The following SNTG1 variants were observed in gnomAD, a reference collection of about 807,000 sequenced individuals.
The protein encoded by SNTG1 is syntrophin gamma 1.
SNTG1 carries 39 observed loss-of-function variants against 74.7 expected under a neutral mutation model. The observed-to-expected ratio is 0.52, with a 90% CI of 0.40 to 0.68. The LOEUF (loss-of-function observed/expected upper bound fraction) is 0.68, where lower values mean the gene tolerates loss of function less well. Ranked by LOEUF, SNTG1 falls within the 30% of genes least tolerant of loss-of-function variation. The pLI is 0.00. For synonymous variants in SNTG1, 254 were observed against 217.1 expected (o/e 1.17, Z -1.49); for missense variants, 685 against 609.5 (o/e 1.12, Z -1.30).
chr8:50,660,426 G>GAAAGA (rs373288755), intron 15 of SNTG1, among the ~76,000 whole-genome samples: 22 of 72,838 alleles, frequency 3.0e-4, no homozygotes, highest in African/African-American at 6.9e-4. Flanking sequence ...AAGAAAGAAA[G>GAAAGA]AAGAAAGAAA....
intron 4 of SNTG1, among the ~76,000 whole-genome samples, chr8:50,430,217 A>C (rs1419064590): frequency 6.6e-6 from 1 of 152,220 alleles, no homozygotes; most frequent in African/African-American, 2.4e-5. Flanking sequence ...CACGCTTTAA[A>C]TGGGTTAATT....
intron 2 of SNTG1, among the ~76,000 whole-genome samples, chr8:50,270,879 C>A (rs1319383833): frequency 6.6e-6 from 1 of 152,198 alleles, no homozygotes; most frequent in Admixed American, 6.5e-5. Flanking sequence ...ACAGCCACAC[C>A]GTGTGAATTA....
chr8:50,487,192 G>T (rs1171134976), intron 8 of SNTG1, among the ~76,000 whole-genome samples: 2 of 152,070 alleles, frequency 1.3e-5, no homozygotes, highest in South Asian at 2.1e-4. Flanking sequence ...GAAACAACAG[G>T]TGCTGGAGAG....
At chr8:50,238,394 T>C (rs1207560464) in intron 2 of SNTG1, among the ~76,000 whole-genome samples, 1 of 152,014 alleles carries the variant, frequency 6.6e-6, no homozygotes, top group African/African-American at 2.4e-5. Flanking sequence ...AATGGGAAAA[T>C]AATTCACTAT....
At chr8:50,010,163 TC>T (rs998170901) in intron 1 of SNTG1, among the ~76,000 whole-genome samples, 1 of 152,150 alleles carries the variant, frequency 6.6e-6, no homozygotes, top group Admixed American at 6.6e-5. Context: ...CTTAGTAGTC[TC>T]CTCTAATACT....
At chr8:50,713,747 T>C (rs543497235) in intron 17 of SNTG1, among the ~76,000 whole-genome samples, 1 of 152,288 alleles carries the variant, frequency 6.6e-6, no homozygotes, top group Admixed American at 6.5e-5. Context: ...TAGCCAGTTT[T>C]CCCAGCACCA....
intron 2 of SNTG1, among the ~76,000 whole-genome samples, chr8:50,292,491 A>G (rs1261916484): frequency 6.6e-6 from 1 of 152,090 alleles, no homozygotes; most frequent in Non-Finnish European, 1.5e-5. Flanking sequence ...AAGTGTGAAG[A>G]CTGGTTCAGA....
At chr8:50,611,222 A>T (rs781252979) in intron 13 of SNTG1, among the ~76,000 whole-genome samples, 36 of 152,184 alleles carry the variant, frequency 2.4e-4, no homozygotes, top group South Asian at 6.2e-4. Flanking sequence ...CAGTCTCTGC[A>T]GGGACAGAGT....
chr8:50,321,357 C>CT lies in SNTG1; in HGVS notation c.-27-72848dup, dbSNP rs201731915. Among the ~76,000 whole-genome samples, 143 of 152,088 alleles carry CT rather than the reference C, an allele frequency of 9.4e-4. 2 individuals are homozygous for CT. The East Asian group carries it at 0.026, about 28-fold the overall frequency. On this transcript the variant is annotated intron_variant, in intron 2 of 18. Coordinates refer to ENST00000642720, the MANE Select transcript of SNTG1 (RefSeq NM_018967.5). ...TGATATAAGTGTAGCAACTCCTCCT[C>CT]TTTTTTTGGTTTTAATTTGCATGGA...
At chr8:50,244,988 A>G (rs1355269129) in intron 2 of SNTG1, among the ~76,000 whole-genome samples, 4 of 152,246 alleles carry the variant, frequency 2.6e-5, no homozygotes, top group African/African-American at 9.6e-5. Flanking sequence ...AGTAAATGCC[A>G]TTTTTACATT....
chr8:50,210,857 A>T (rs987038212), intron 2 of SNTG1, among the ~76,000 whole-genome samples: 2 of 152,216 alleles, frequency 1.3e-5, no homozygotes, highest in African/African-American at 4.8e-5. Context: ...TAGAAATGAC[A>T]GGTTAAAAAA....
intron 2 of SNTG1, among the ~76,000 whole-genome samples, chr8:50,382,634 C>T (rs1224819814): frequency 6.6e-6 from 1 of 152,044 alleles, no homozygotes; most frequent in Non-Finnish European, 1.5e-5. Context: ...AAACTACTTT[C>T]AATATTTCAA....
At chr8:50,644,967 G>A (rs535203673) in intron 13 of SNTG1, among the ~76,000 whole-genome samples, 1 of 150,004 alleles carries the variant, frequency 6.7e-6, no homozygotes, top group Non-Finnish European at 1.5e-5. Context: ...TGTTGCCGAG[G>A]CTGGTCTTAA....
At chr8:50,624,891 G>A (rs1003498921) in intron 13 of SNTG1, among the ~76,000 whole-genome samples, 4 of 152,192 alleles carry the variant, frequency 2.6e-5, no homozygotes, top group Middle Eastern at 3.4e-3. Flanking sequence ...TCTTCCACAC[G>A]GAGACGTTCA....
intron 1 of SNTG1, among the ~76,000 whole-genome samples, chr8:50,039,363 G>T (rs1818430028): frequency 6.8e-6 from 1 of 146,364 alleles, no homozygotes; most frequent in Non-Finnish European, 1.5e-5. Context: ...GCTGAGGCAG[G>T]AGAATGGCAT....
chr8:50,612,218 T>G (rs2094855493), intron 13 of SNTG1, among the ~76,000 whole-genome samples: 1 of 152,296 alleles, frequency 6.6e-6, no homozygotes, highest in Non-Finnish European at 1.5e-5. Context: ...TTGAAAACCT[T>G]TATCTCCATA....
intron 13 of SNTG1, among the ~76,000 whole-genome samples, chr8:50,606,132 T>C (rs996345617): frequency 2.0e-5 from 3 of 152,168 alleles, no homozygotes; most frequent in Admixed American, 6.5e-5. Flanking sequence ...AGTAATTTTG[T>C]CTACTCTGGA....
At chr8:50,188,783 CT>C (rs1238863441) in intron 2 of SNTG1, among the ~76,000 whole-genome samples, 1 of 152,064 alleles carries the variant, frequency 6.6e-6, no homozygotes, top group Non-Finnish European at 1.5e-5. Context: ...AAATCTGTTT[CT>C]CAAAAGCAGA....
At chr8:50,254,180 G>T (rs2086774353) in intron 2 of SNTG1, among the ~76,000 whole-genome samples, 1 of 152,044 alleles carries the variant, frequency 6.6e-6, no homozygotes, top group African/African-American at 2.4e-5. Flanking sequence ...ATAATTACAA[G>T]ATTTCAACAA....
Sources: allele counts gnomAD v4.1 joint callset (sites outside exome capture counted in the v4.1 genomes callset), GRCh38; gene constraint gnomAD v4.1.1; transcripts MANE v1.5; gene names NCBI Gene and HGNC (gene_info 2026-07-23, HGNC 2026-07-21).